The following SEZ6 variants were observed in gnomAD, a reference collection of about 807,000 sequenced individuals.
SEZ6 encodes the protein seizure protein 6 homolog.
Under a neutral mutation model 101.0 loss-of-function variants are expected in SEZ6, and 53 were observed. That is an observed-to-expected ratio of 0.52 (90% CI 0.42 to 0.66). The LOEUF (loss-of-function observed/expected upper bound fraction) is 0.66, where lower values mean the gene tolerates loss of function less well. SEZ6 is among the 30% of genes least tolerant of loss of function. The probability of loss-of-function intolerance (pLI) is 0.00; values close to 1 mark genes in which losing one functional copy is unlikely to be tolerated. For synonymous variants in SEZ6, 488 were observed against 512.2 expected (o/e 0.95, Z 0.64); for missense variants, 1,102 against 1,289.4 (o/e 0.85, Z 2.23).
intron 4 of SEZ6, among the ~76,000 whole-genome samples, chr17:28,965,592 T>A (rs1239594847): frequency 6.6e-6 from 1 of 152,116 alleles, no homozygotes; most frequent in South Asian, 2.1e-4. Flanking sequence ...TGAACTATGA[T>A]TGCACCACTG....
At chr17:28,985,719 C>T (rs928158095) in intron 1 of SEZ6, among the ~76,000 whole-genome samples, 1 of 152,200 alleles carries the variant, frequency 6.6e-6, no homozygotes, top group African/African-American at 2.4e-5. Context: ...TGGGGGACTA[C>T]CCATGTTCCA....
intron 1 of SEZ6, among the ~76,000 whole-genome samples, chr17:28,984,075 C>G (rs1170402518): frequency 6.6e-6 from 1 of 152,206 alleles, no homozygotes; most frequent in East Asian, 1.9e-4. Flanking sequence ...TCCTGAGATG[C>G]CCACTAAAGC....
intron 5 of SEZ6, among the ~76,000 whole-genome samples, chr17:28,962,661 AC>A (rs1253953841): frequency 6.6e-6 from 1 of 150,986 alleles, no homozygotes; most frequent in Non-Finnish European, 1.5e-5. Context: ...TGCACCTGTA[AC>A]CCCAGCTACT....
Position 28,964,852 on chromosome 17 carries a change from T to G in SEZ6, c.1055-705A>C, listed in dbSNP as rs1413423223. Among the ~76,000 whole-genome samples the G allele has an allele frequency of 3.8e-3, 432 of 112,400 alleles. No homozygotes were observed. The Middle Eastern group carries it at 0.042, about 11-fold the overall frequency. 73.7% of individuals were successfully genotyped at this position (112,400 alleles called of 152,430 possible). On this transcript the variant is annotated intron_variant, in intron 4 of 16. Coordinates refer to ENST00000317338, the MANE Select transcript of SEZ6 (RefSeq NM_178860.5). ...TGGGCGGATCACCTGAGGTCGGGAG[T>G]TCGAGACAAGCCTGACCAACATGGA...
chr17:29,004,140 C>A (rs1037489829), intron 1 of SEZ6, among the ~76,000 whole-genome samples: 3 of 152,206 alleles, frequency 2.0e-5, no homozygotes, highest in African/African-American at 7.2e-5. Flanking sequence ...ACTTGAAGTG[C>A]AGACACACTG....
Position 28,958,033 on chromosome 17 carries a change from T to C in SEZ6, c.2216A>G (p.Tyr739Cys), listed in dbSNP as rs1266714006. 1.2e-6 allele frequency: 2 copies of C among 1,613,932 alleles called. No homozygotes were observed. The highest frequency in any genetic ancestry group is 1.7e-5 in the Admixed American group (1 of 60,020). The stretch of plus-strand genomic sequence containing the variant: ...GGATCCCACTACCTGGTAGCCAGGG[T>C]AGCACTGGTAAGTGACCACGGTGCC... ...VHGTVVTYQC[Y>C]PGYQVVGSSV... Residue 739 changes from tyrosine (Y) to cysteine (C), a missense_variant, in exon 11 of 17, where the codon TAC becomes TGC. Tyr to Cys is a radical substitution (Grantham distance 194, BLOSUM62 -2). Coordinates refer to ENST00000317338, the MANE Select transcript of SEZ6 (RefSeq NM_178860.5).
chr17:28,968,177 C>T (rs1031587957), intron 4 of SEZ6, among the ~76,000 whole-genome samples: 4 of 152,204 alleles, frequency 2.6e-5, no homozygotes, highest in African/African-American at 7.2e-5. Flanking sequence ...CGGAGATTTG[C>T]GTGTGAGCAC....
At position 28,969,740 on chromosome 17, in the gene SEZ6, A is replaced by C. The variant is rs2041122921; in HGVS notation, c.1054+17T>G. ...GCGAGTCTGGGCTGGTTCCACCTTC[A>C]ACTACCCAGGCCTTACCTTGGTAAT... On this transcript the variant is annotated intron_variant, in intron 4 of 16. Transcript: ENST00000317338. 6.8e-7 allele frequency: 1 copy of C among 1,462,404 alleles called. No homozygotes were observed. The highest frequency in any genetic ancestry group is 9.0e-7 in the Non-Finnish European group (1 of 1,111,860). The allele number at this position is 1,462,404 out of a possible 1,614,324, so 90.6% of individuals were successfully genotyped here.
intron 5 of SEZ6, among the ~76,000 whole-genome samples, chr17:28,962,673 C>T (rs1355419993): frequency 6.6e-6 from 1 of 150,790 alleles, no homozygotes; most frequent in African/African-American, 2.4e-5. Context: ...CCCAGCTACT[C>T]TGGAGGGTGA....
rs746770671 is a variant in SEZ6 at position 28,956,168 on chromosome 17, G to A, written c.2943C>T (p.Tyr981=). The change falls in exon 16 of 17, where the codon TAC becomes TAT. Residue 981 remains tyrosine (Y), a synonymous_variant. Transcript: ENST00000317338. ...TIESAFDNPT[Y]ETGSLSFAGD... ...TGGCATGGTTACTTACTCCAGTCTC[G>A]TAAGTTGGATTGTCAAACGCTGACT... The A allele has an allele frequency of 9.2e-6, 14 of 1,517,608 alleles. 1 individual carries two copies. Among genetic ancestry groups the A allele is most frequent in the African/African-American group, 5.7e-5 (4 of 70,484 alleles). The allele number at this position is 1,517,608 out of a possible 1,614,324, so 94.0% of individuals were successfully genotyped here.
At chr17:28,963,921 C>G (rs1421994897) in intron 5 of SEZ6, 41 bp downstream of exon 5, 1 of 1,572,214 alleles carries the variant, frequency 6.4e-7, no homozygotes, top group South Asian at 1.2e-5. Context: ...CCCCACCTCA[C>G]TTCTCTGCTC....
chr17:29,001,846 C>G (rs1316167774), intron 1 of SEZ6, among the ~76,000 whole-genome samples: 1 of 152,170 alleles, frequency 6.6e-6, no homozygotes, highest in Non-Finnish European at 1.5e-5. Flanking sequence ...GCTCCTCCTC[C>G]CTGAGAATAG....
At position 29,005,828 on chromosome 17, in the gene SEZ6, C is replaced by T; in HGVS notation, c.42G>A (p.Ala14=). 1 of 1,485,622 alleles carries T rather than the reference C, an allele frequency of 6.7e-7. No individual in the cohort carries two copies. The highest frequency in any genetic ancestry group is 8.9e-7 in the Non-Finnish European group (1 of 1,118,222). The allele number at this position is 1,485,622 out of a possible 1,614,324, so 92.0% of individuals were successfully genotyped here. The change falls in exon 1 of 17, where the codon GCG becomes GCA. Residue 14 remains alanine, a synonymous_variant. Coordinates refer to ENST00000317338, the MANE Select transcript of SEZ6 (RefSeq NM_178860.5). This position sits in a 1 kb window ranked among gnomAD's most constrained non-coding sequence, Gnocchi z 4.8. Reference sequence around the variant, plus strand: ...GGGGTCCCTTACCGTGAGCCAGGAGCGCCAGCAGCGAGGGCAGGAGCAGCA... The same window carrying T: ...GGGGTCCCTTACCGTGAGCCAGGAGTGCCAGCAGCGAGGGCAGGAGCAGCA... ...VALLLLPSLL[A]LLAHGLSLEA...
intron 3 of SEZ6, among the ~76,000 whole-genome samples, chr17:28,974,722 C>G (rs996930232): frequency 1.3e-5 from 2 of 152,208 alleles, no homozygotes; most frequent in Non-Finnish European, 2.9e-5. Context: ...CAGGCCCTCC[C>G]CAGAACTGGG....
chr17:28,994,419 G>A (rs1043448514), intron 1 of SEZ6, among the ~76,000 whole-genome samples: 1 of 152,166 alleles, frequency 6.6e-6, no homozygotes, highest in African/African-American at 2.4e-5. Context: ...GGGAGTACAG[G>A]CGCCTGCCAT....
At chr17:29,000,348 C>T (rs78710938) in intron 1 of SEZ6, among the ~76,000 whole-genome samples, 15,944 of 152,224 alleles carry the variant, frequency 0.1, 876 homozygotes, top group Middle Eastern at 0.13. Flanking sequence ...GACTTAATCT[C>T]ATCAAAACTC....
At position 28,980,090 on chromosome 17, in the gene SEZ6, G is replaced by A. The variant is rs188390712; in HGVS notation, c.725-277C>T. 9.3e-5 allele frequency among the ~76,000 whole-genome samples: 14 copies of A among 150,222 alleles called. No homozygotes were observed. The East Asian group carries it at 1.8e-3, about 19-fold the overall frequency. ...TCTCCATCTCCTGACCTCATGATCC[G>A]CCCGCCTCAGCCTCCCAAAGTGCTG... On this transcript the variant is annotated intron_variant, in intron 2 of 16. Transcript: ENST00000317338.
chr17:28,979,754 T>A lies in SEZ6; in HGVS notation c.784A>T (p.Ser262Cys). 6.2e-7 allele frequency: 1 copy of A among 1,613,670 alleles called. No homozygotes were observed. The highest frequency in any genetic ancestry group is 8.5e-7 in the Non-Finnish European group (1 of 1,179,758). The change falls in exon 3 of 17, where the codon AGC (serine) becomes TGC (cysteine). Residue 262 changes from serine to cysteine, a missense_variant. Ser to Cys is a moderately radical substitution (Grantham distance 112). Coordinates refer to ENST00000317338, the MANE Select transcript of SEZ6 (RefSeq NM_178860.5). Reference sequence around the variant, plus strand: ...TCCAGGCCAACATCAGTGGGGGAGCTGAGGTCTGTAGGGGAGTCCAGAGAG... The same window carrying A: ...TCCAGGCCAACATCAGTGGGGGAGCAGAGGTCTGTAGGGGAGTCCAGAGAG... ...EGSLDSPTDL[S>C]SPTDVGLDCF...
intron 3 of SEZ6, among the ~76,000 whole-genome samples, chr17:28,975,880 G>A (rs1300900001): frequency 6.6e-6 from 1 of 152,250 alleles, no homozygotes; most frequent in Non-Finnish European, 1.5e-5. Flanking sequence ...CAAGATGGAG[G>A]CTGGCAGTGG....
Sources: gnomAD v4.1 joint callset for allele counts (sites outside exome capture counted in the v4.1 genomes callset) on GRCh38, gnomAD v4.1.1 for gene constraint, Gnocchi (gnomAD v3.1) non-coding constraint, MANE v1.5 for transcripts, NCBI Gene and HGNC (gene_info 2026-07-23, HGNC 2026-07-21) for gene names.